Variants in CCDC117 observed in about 807,000 individuals in gnomAD.
CCDC117 encodes the protein coiled-coil domain-containing protein 117.
In CCDC117, 1 loss-of-function variant was observed where a neutral mutation model predicts 23.5. That is an observed-to-expected ratio of 0.04 (90% CI 0.02 to 0.20). The LOEUF is 0.20. Among genes scored for constraint, CCDC117 ranks in the 10% least tolerant of loss-of-function variants. The pLI is 1.00. For missense variants in CCDC117, 383 were observed against 348.2 expected, an observed-to-expected ratio of 1.10 and a Z score of -0.80; for synonymous variants, 132 against 124.8, an observed-to-expected ratio of 1.06 and a Z score of -0.39.
rs2031585784 is a variant in CCDC117, at chr22:28,788,638, T to C, written c.*2312T>C. ...GCAGGATAATTGATGTTTTATGTTC[T>C]TTTTTGGACTTTATCTTCTTGCAAA... is the stretch of plus-strand genomic sequence containing the variant. On this transcript the variant is annotated 3_prime_UTR_variant, in exon 5 of 5. Coordinates refer to ENST00000249064, the MANE Select transcript of CCDC117 (RefSeq NM_173510.4). 6.6e-6 allele frequency: 1 copy of C among 152,658 alleles called. No homozygotes were observed. Among genetic ancestry groups the C allele is most frequent in the Non-Finnish European group, 1.5e-5 (1 of 68,044 alleles). The allele number at this position is 152,658 out of a possible 1,614,324, so 9.5% of individuals were successfully genotyped here. A position where few individuals can be genotyped will look rare whatever the true frequency, so the allele number is the denominator to read the frequency against.
chr22:28,776,494 C>T (rs1018581997), intron 2 of CCDC117, among the ~76,000 whole-genome samples: 2 of 151,974 alleles, frequency 1.3e-5, no homozygotes, highest in Non-Finnish European at 2.9e-5. Flanking sequence ...GCAGGCTCAG[C>T]TCACTGTCAC....
chr22:28,776,465 C>T lies in CCDC117; in HGVS notation c.239+2687C>T, dbSNP rs182504783. Among the ~76,000 whole-genome samples, 24 of 151,432 alleles carry T rather than the reference C, an allele frequency of 1.6e-4. No individual in the cohort carries two copies. The East Asian group carries it at 4.1e-3, about 26-fold the overall frequency. ...TTCCCTGGAGTTTTGCTCTGTTGCT[C>T]AGGCTGGAGTGCAGTAGCGCAGGCT... is the stretch of plus-strand genomic sequence containing the variant. On this transcript the variant is annotated intron_variant, in intron 2 of 4. Coordinates refer to ENST00000249064, the MANE Select transcript of CCDC117 (RefSeq NM_173510.4).
chr22:28,784,846 C>T (rs2031461292), intron 4 of CCDC117, among the ~76,000 whole-genome samples: 1 of 152,144 alleles, frequency 6.6e-6, no homozygotes, highest in South Asian at 2.1e-4. Flanking sequence ...TCTTGGCTCA[C>T]TGCAAGCTCC....
chr22:28,774,365 A>G (rs2031098954), intron 2 of CCDC117, among the ~76,000 whole-genome samples: 2 of 147,972 alleles, frequency 1.4e-5, no homozygotes, highest in African/African-American at 5.0e-5. Flanking sequence ...CCCCGGCCTG[A>G]AAAGTCTTTT....
At chr22:28,780,320 C>G (rs2031281592) in intron 2 of CCDC117, among the ~76,000 whole-genome samples, 1 of 152,132 alleles carries the variant, frequency 6.6e-6, no homozygotes, top group Non-Finnish European at 1.5e-5. Flanking sequence ...AATGCTGTCA[C>G]CCACACCTGT....
At chr22:28,782,250 CTT>C (rs34670753) in intron 3 of CCDC117, among the ~76,000 whole-genome samples, 1,149 of 80,202 alleles carry the variant, frequency 0.014, 9 homozygotes, top group African/African-American at 0.065. Context: ...TCTACTGAGC[CTT>C]TTTTTTTTTT....
intron 2 of CCDC117, among the ~76,000 whole-genome samples, chr22:28,774,028 GTAAAA>G (rs1160961611): frequency 1.3e-5 from 2 of 151,672 alleles, no homozygotes; most frequent in Admixed American, 1.3e-4. Flanking sequence ...CATGCACAAA[GTAAAA>G]TAATTTAAAG....
chr22:28,781,207 G>C (rs2031306462), intron 3 of CCDC117, 35 bp downstream of exon 3: 1 of 1,323,402 alleles, frequency 7.6e-7, no homozygotes, highest in East Asian at 2.4e-5. Flanking sequence ...GTTTTTTGCT[G>C]TTCTCTTGTA....
intron 1 of CCDC117, 26 bp downstream of exon 1, chr22:28,773,060 G>T: frequency 2.9e-6 from 3 of 1,022,334 alleles, no homozygotes; most frequent in Non-Finnish European, 3.5e-6. Flanking sequence ...GGCGCAGGGC[G>T]CAGGGCGGGC....
At chr22:28,783,408 C>A in intron 3 of CCDC117, 100 bp from the exon 4 acceptor site, 1 of 1,185,824 alleles carries the variant, frequency 8.4e-7, no homozygotes, top group Non-Finnish European at 1.2e-6. Flanking sequence ...TTACTTACTG[C>A]TTTTATCCTT....
chr22:28,783,930 ACT>A (rs1233691427), intron 4 of CCDC117, among the ~76,000 whole-genome samples: 5 of 152,032 alleles, frequency 3.3e-5, no homozygotes, highest in Non-Finnish European at 7.4e-5. Context: ...AAGAGAGCCC[ACT>A]CTCAAGTTCC....
Position 28,788,096 on chromosome 22 carries a change from AT to A in CCDC117, c.*1771del, listed in dbSNP as rs1420959020. 1.3e-5 allele frequency: 2 copies of A among 152,662 alleles called. No individual in the cohort carries two copies. The highest frequency in any genetic ancestry group is 2.9e-5 in the Non-Finnish European group (2 of 68,046). 9.5% of individuals were successfully genotyped at this position (152,662 alleles called of 1,614,324 possible). ...TATTTAAACAAAATATTTAATGTCT[AT>A]ACAGTAAAATTATTCAAACTTCAAA... is the stretch of plus-strand genomic sequence containing the variant. On this transcript the variant is annotated 3_prime_UTR_variant, in exon 5 of 5. Transcript: ENST00000249064.
At position 28,773,791 on chromosome 22, in the gene CCDC117, G is replaced by A. The variant is rs2031075040; in HGVS notation, c.239+13G>A. On this transcript the variant is annotated intron_variant, in intron 2 of 4. Transcript: ENST00000249064. Reference sequence around the variant, plus strand: ...AGGAGGATGATGAGTAAGTTTCAGTGGTTGTTTATTCACTCTGTGGTCACC... The same window carrying A: ...AGGAGGATGATGAGTAAGTTTCAGTAGTTGTTTATTCACTCTGTGGTCACC... The A allele has an allele frequency of 1.2e-6, 2 of 1,609,208 alleles. No homozygotes were observed. Among genetic ancestry groups the A allele is most frequent in the African/African-American group, 1.3e-5 (1 of 74,668 alleles).
intron 2 of CCDC117, among the ~76,000 whole-genome samples, chr22:28,779,996 G>C (rs1379412712): frequency 6.6e-6 from 1 of 152,190 alleles, no homozygotes; most frequent in Non-Finnish European, 1.5e-5. Context: ...GTAAGCACTT[G>C]AACAGTTGAA....
At chr22:28,785,942 GAAAGT>G (rs1483174217) in intron 4 of CCDC117, 142 bp from the exon 5 acceptor site, 5 of 475,256 alleles carry the variant, frequency 1.1e-5, no homozygotes, top group Non-Finnish European at 1.5e-5. Flanking sequence ...AAAAAAAAAA[GAAAGT>G]AAAGATCAGT....
rs1253804786 is a variant in CCDC117 at position 28,781,553 on chromosome 22, G to A, written c.464+381G>A. Among the ~76,000 whole-genome samples, 2 of 105,040 alleles carry A rather than the reference G, an allele frequency of 1.9e-5. 1 individual carries two copies. Among genetic ancestry groups the A allele is most frequent in the Non-Finnish European group, 3.5e-5 (2 of 57,096 alleles). 68.9% of individuals were successfully genotyped at this position (105,040 alleles called of 152,430 possible). A position where few individuals can be genotyped will look rare whatever the true frequency, so the allele number is the denominator to read the frequency against. On this transcript the variant is annotated intron_variant, in intron 3 of 4. Transcript: ENST00000249064. ...TTTTTAGTAGAGACGGGGTTTCACC[G>A]TTTTAGCCGGGATGGTCTCGATCTC...
chr22:28,777,121 C>T (rs1272354156), intron 2 of CCDC117, among the ~76,000 whole-genome samples: 7 of 150,390 alleles, frequency 4.7e-5, no homozygotes, highest in South Asian at 2.1e-4. Flanking sequence ...TCGGCACAAC[C>T]TCTGCCTCCC....
intron 2 of CCDC117, among the ~76,000 whole-genome samples, chr22:28,774,059 G>C (rs1485417788): frequency 7.0e-6 from 1 of 142,616 alleles, no homozygotes; most frequent in African/African-American, 2.7e-5. Context: ...ATATTGAAAA[G>C]TTTTGTTTTT....
chr22:28,779,224 C>A (rs117836097), intron 2 of CCDC117, among the ~76,000 whole-genome samples: 2 of 151,962 alleles, frequency 1.3e-5, no homozygotes, highest in Non-Finnish European at 2.9e-5. Context: ...ATTTTTGAGA[C>A]GGAGCCTTGG....
Sources: gnomAD v4.1 joint callset for allele counts (sites outside exome capture counted in the v4.1 genomes callset) on GRCh38, gnomAD v4.1.1 for gene constraint, MANE v1.5 for transcripts, NCBI Gene and HGNC (gene_info 2026-07-23, HGNC 2026-07-21) for gene names.